CFAP47: variants seen among roughly 807,000 people sequenced by gnomAD.
CFAP47 encodes cilia and flagella associated protein 47, also known as cilia- and flagella-associated protein 47.
CFAP47 carries 29 observed loss-of-function variants against 148.1 expected under a neutral mutation model. The ratio of observed to expected loss-of-function variants is 0.20; its 90% CI spans 0.15 to 0.27. The LOEUF is 0.27. CFAP47 is among the 10% of genes least tolerant of loss of function. The pLI is 1.00. For synonymous variants in CFAP47, 664 were observed against 577.3 expected (o/e 1.15, Z -2.15); for missense variants, 1,872 against 1,697.5 (o/e 1.10, Z -1.81).
chrX:36,267,259 T>C (rs1556001174), intron 49 of CFAP47, among the ~76,000 whole-genome samples: 2 of 111,346 alleles, frequency 1.8e-5, no homozygotes, highest in Admixed American at 9.6e-5. Flanking sequence ...TATGGGCATA[T>C]GGGGGATTTG....
intron 36 of CFAP47, among the ~76,000 whole-genome samples, chrX:36,147,358 C>A (rs1270059752): frequency 8.9e-6 from 1 of 112,091 alleles, no homozygotes; most frequent in Non-Finnish European, 1.9e-5. Context: ...TGTCTGACCA[C>A]AGATGAGTCC....
chrX:36,117,990 AAG>A, intron 33 of CFAP47, among the ~76,000 whole-genome samples: 1 of 111,886 alleles, frequency 8.9e-6, no homozygotes, highest in South Asian at 3.7e-4. Flanking sequence ...CCATTTATTG[AAG>A]AGACTCTCTT....
chrX:35,989,601 A>T (rs1352508036), intron 16 of CFAP47, 152 bp downstream of exon 16: 1 of 1,107,504 alleles, frequency 9.0e-7, no homozygotes. Flanking sequence ...GCCTCTATAA[A>T]TATGTAATAT....
At chrX:36,135,987 A>G (rs1939037538) in intron 33 of CFAP47, among the ~76,000 whole-genome samples, 1 of 111,654 alleles carries the variant, frequency 9.0e-6, no homozygotes, top group Admixed American at 9.6e-5. Context: ...AGAACTATAC[A>G]TACACACCTT....
intron 14 of CFAP47, 88 bp downstream of exon 14, chrX:35,975,451 A>G: frequency 1.5e-6 from 1 of 672,386 alleles, no homozygotes; most frequent in Non-Finnish European, 2.2e-6. Flanking sequence ...ATTGTATTGT[A>G]TATTATATTT....
chrX:36,257,973 G>A (rs1285532100), intron 49 of CFAP47, among the ~76,000 whole-genome samples: 1 of 111,963 alleles, frequency 8.9e-6, no homozygotes, highest in African/African-American at 3.3e-5. Context: ...TTAGTAGCCT[G>A]GTAGCTGCAG....
chrX:35,942,242 A>G (rs1180793980), intron 3 of CFAP47, among the ~76,000 whole-genome samples: 1 of 111,617 alleles, frequency 9.0e-6, no homozygotes, highest in Admixed American at 9.6e-5. Context: ...TATATAAAGT[A>G]GGTCTTAAAT....
intron 15 of CFAP47, among the ~76,000 whole-genome samples, chrX:35,987,832 T>C (rs774534645): frequency 1.8e-5 from 2 of 111,211 alleles, no homozygotes; most frequent in Admixed American, 1.9e-4. Flanking sequence ...CACGGCAAGG[T>C]CCATCACGGC....
chrX:36,262,802 A>G (rs986973431), intron 49 of CFAP47, among the ~76,000 whole-genome samples: 2 of 111,890 alleles, frequency 1.8e-5, no homozygotes, highest in Admixed American at 9.5e-5. Flanking sequence ...ACTGTTCTTC[A>G]CGATGGTTGT....
chrX:35,966,728 A>G lies in CFAP47; in HGVS notation c.1574A>G (p.Lys525Arg). The change falls in exon 9 of 64, where the codon AAG becomes AGG. Residue 525 changes from lysine (K) to arginine (R), a missense_variant. Physicochemically the swap from Lys to Arg is conservative, Grantham distance 26. Transcript: ENST00000378653. ...AFNSICKASTKKVVMKFDPGI... is the reference protein window; with the variant it reads ...AFNSICKASTRKVVMKFDPGI... ...AACAGCATCTGTAAAGCTTCCACCA[A>G]GAAAGTTGTGATGAAATTTGATCCT... 3.5e-6 allele frequency: 4 copies of G among 1,146,007 alleles called. No individual in the cohort carries two copies. Among genetic ancestry groups the G allele is most frequent in the Non-Finnish European group, 4.7e-6 (4 of 859,037 alleles). The allele number at this position is 1,146,007 out of a possible 1,213,427, so 94.4% of individuals were successfully genotyped here.
At chrX:36,240,598 TAAAG>T (rs782076589) in intron 48 of CFAP47, among the ~76,000 whole-genome samples, 65 of 109,000 alleles carry the variant, frequency 6.0e-4, no homozygotes, top group Admixed American at 1.7e-3. Flanking sequence ...GAGGAAAAAA[TAAAG>T]AAAAATGAAC....
chrX:36,053,944 A>G lies in CFAP47; in HGVS notation c.4217+6881A>G, dbSNP rs185229556. ...GAATAAAAGAGTTAACCACAGATGT[A>G]GTTTTTCTAATATCCTTCTTTTTCT... On this transcript the variant is annotated intron_variant, in intron 26 of 63. Transcript: ENST00000378653. Among the ~76,000 whole-genome samples the G allele has an allele frequency of 3.5e-3, 398 of 112,671 alleles. 1 individual carries two copies. Among genetic ancestry groups the G allele is most frequent in the Non-Finnish European group, 5.6e-3 (300 of 53,319 alleles).
intron 45 of CFAP47, among the ~76,000 whole-genome samples, chrX:36,220,026 C>T (rs188261737): frequency 3.6e-5 from 4 of 111,361 alleles, no homozygotes; most frequent in Non-Finnish European, 7.5e-5. Context: ...GTAAAACCAA[C>T]GTGGAAATCC....
At chrX:36,003,967 C>CTTTTTTTTTTTTT (rs761024902) in intron 21 of CFAP47, among the ~76,000 whole-genome samples, 9 of 66,392 alleles carry the variant, frequency 1.4e-4, no homozygotes, top group African/African-American at 5.4e-4. Flanking sequence ...CTTTCTTTTT[C>CTTTTTTTTTTTTT]TTTTTTTTTT....
At chrX:36,201,622 A>G (rs1281719253) in intron 44 of CFAP47, 122 bp downstream of exon 44, 10 of 282,572 alleles carry the variant, frequency 3.5e-5, no homozygotes, top group South Asian at 2.4e-4. Flanking sequence ...AAGGAAAAGT[A>G]ATGAGTACCG....
chrX:36,065,323 A>G (rs930020778), intron 26 of CFAP47, among the ~76,000 whole-genome samples: 3 of 111,195 alleles, frequency 2.7e-5, no homozygotes, highest in Non-Finnish European at 5.7e-5. Flanking sequence ...CAGGGACTCC[A>G]TAGAAGAATG....
chrX:36,134,988 A>G (rs1246949447), intron 33 of CFAP47, among the ~76,000 whole-genome samples: 1 of 111,529 alleles, frequency 9.0e-6, no homozygotes, highest in Admixed American at 9.6e-5. Flanking sequence ...CAATACAATT[A>G]CTATATAATC....
Position 36,350,045 on chromosome X carries a change from G to A in CFAP47, c.8611G>A (p.Gly2871Arg). The A allele has an allele frequency of 8.8e-7, 1 of 1,135,894 alleles. No individual in the cohort carries two copies. The highest frequency in any genetic ancestry group is 1.8e-5 in the African/African-American group (1 of 55,343). 93.6% of individuals were successfully genotyped at this position (1,135,894 alleles called of 1,213,427 possible). A position where few individuals can be genotyped will look rare whatever the true frequency, so the allele number is the denominator to read the frequency against. ...ELDIKFKSIVGIDSEEIQAIH... is the reference protein window; with the variant it reads ...ELDIKFKSIVRIDSEEIQAIH... ...ATTTTAATTTCTAATTAGTATTGTG[G>A]GAATCGACAGCGAAGAAATCCAAGC... is the stretch of plus-strand genomic sequence containing the variant. The change falls in exon 59 of 64, where the codon GGA (glycine) becomes AGA (arginine). Residue 2871 changes from glycine to arginine, a missense_variant. Transcript: ENST00000378653.
At chrX:35,992,536 G>A (rs1936801547) in intron 17 of CFAP47, among the ~76,000 whole-genome samples, 1 of 111,100 alleles carries the variant, frequency 9.0e-6, no homozygotes, top group African/African-American at 3.3e-5. Flanking sequence ...TGAAAAATGA[G>A]GATGATCTTT....
Sources: gnomAD v4.1 joint callset for allele counts (sites outside exome capture counted in the v4.1 genomes callset) on GRCh38, gnomAD v4.1.1 for gene constraint, MANE v1.5 for transcripts, NCBI Gene and HGNC (gene_info 2026-07-23, HGNC 2026-07-21) for gene names.